SH3RF2: variants seen among roughly 807,000 people sequenced by gnomAD.
SH3RF2 encodes E3 ubiquitin-protein ligase SH3RF2.
Under a neutral mutation model 59.0 loss-of-function variants are expected in SH3RF2, and 43 were observed. The observed-to-expected ratio is 0.73, with a 90% confidence interval of 0.57 to 0.94. The LOEUF (loss-of-function observed/expected upper bound fraction) is 0.94, where lower values mean the gene tolerates loss of function less well. Among genes scored for constraint, SH3RF2 ranks in the 40% least tolerant of loss-of-function variants. The pLI, the probability that SH3RF2 is intolerant of heterozygous loss-of-function variation, is 0.00. For synonymous variants in SH3RF2, 391 were observed against 391.5 expected (o/e 1.00, Z 0.01); for missense variants, 930 against 940.1 (o/e 0.99, Z 0.14).
At chr5:145,992,887 C>T (rs144501698) in intron 2 of SH3RF2, among the ~76,000 whole-genome samples, 1 of 152,144 alleles carries the variant, frequency 6.6e-6, no homozygotes, top group Non-Finnish European at 1.5e-5. Flanking sequence ...CCAATCATGC[C>T]TTCACAACAG....
At chr5:145,950,388 T>C (rs1758149462) in intron 2 of SH3RF2, among the ~76,000 whole-genome samples, 2 of 152,216 alleles carry the variant, frequency 1.3e-5, no homozygotes, top group Admixed American at 6.5e-5. Context: ...ATTACCATTC[T>C]AATGTTGTTG....
chr5:145,968,594 C>T (rs1165379954), intron 2 of SH3RF2, among the ~76,000 whole-genome samples: 1 of 151,970 alleles, frequency 6.6e-6, no homozygotes, highest in Admixed American at 6.6e-5. Flanking sequence ...TGAGTAGCCA[C>T]ATTAAAAAAA....
chr5:145,976,761 G>A (rs886969288), intron 2 of SH3RF2, among the ~76,000 whole-genome samples: 20 of 152,198 alleles, frequency 1.3e-4, no homozygotes, highest in Non-Finnish European at 2.8e-4. Flanking sequence ...GCATGCCTAA[G>A]CCATCGATTA....
intron 7 of SH3RF2, among the ~76,000 whole-genome samples, chr5:146,053,687 T>G (rs1192727150): frequency 6.6e-6 from 1 of 152,148 alleles, no homozygotes; most frequent in Non-Finnish European, 1.5e-5. Flanking sequence ...CCTCTACTCT[T>G]CTTCCTGTCC....
intron 2 of SH3RF2, among the ~76,000 whole-genome samples, chr5:145,963,417 T>C (rs962638193): frequency 2.6e-5 from 4 of 152,112 alleles, no homozygotes; most frequent in Middle Eastern, 3.2e-3. Context: ...GCCTGGGCAA[T>C]ATAGTGAGAC....
At position 146,004,043 on chromosome 5, in the gene SH3RF2, G is replaced by A. The variant is rs369658237; in HGVS notation, c.649-15G>A. 4 of 1,608,730 alleles carry A rather than the reference G, an allele frequency of 2.5e-6. No homozygotes were observed. The highest frequency in any genetic ancestry group is 3.4e-6 in the Non-Finnish European group (4 of 1,176,298). On this transcript the variant is annotated splice_polypyrimidine_tract_variant and intron_variant, in intron 3 of 9. Coordinates refer to ENST00000359120, the MANE Select transcript of SH3RF2 (RefSeq NM_152550.4). The stretch of plus-strand genomic sequence containing the variant: ...AAATGAGAGTAAATGCTGACCATGA[G>A]ACTTTCTCTTTCAGGACGATATCAT...
At chr5:145,937,786 C>CGCCGT in intron 1 of SH3RF2, 37 bp from the exon 2 acceptor site, 1 of 943,568 alleles carries the variant, frequency 1.1e-6, no homozygotes, top group Admixed American at 2.3e-5. Context: ...TCGGAGCAGT[C>CGCCGT]ACATTTTTTT....
At chr5:146,061,039 T>TC (rs1391073411) in intron 9 of SH3RF2, among the ~76,000 whole-genome samples, 1 of 152,152 alleles carries the variant, frequency 6.6e-6, no homozygotes, top group African/African-American at 2.4e-5. Flanking sequence ...TCAGCATCAT[T>TC]CCACCATCAT....
intron 4 of SH3RF2, among the ~76,000 whole-genome samples, chr5:146,007,891 C>T (rs1760711682): frequency 6.6e-6 from 1 of 152,190 alleles, no homozygotes; most frequent in Non-Finnish European, 1.5e-5. Flanking sequence ...TAAATTTTGA[C>T]TCCAGTCATT....
At chr5:146,078,012 A>T (rs984956054) in intron 9 of SH3RF2, among the ~76,000 whole-genome samples, 1 of 152,224 alleles carries the variant, frequency 6.6e-6, no homozygotes, top group African/African-American at 2.4e-5. Context: ...ACATAAATAA[A>T]TAAATGTAGG....
chr5:146,081,703 C>T (rs1763427437), exon 10 of SH3RF2: 1 of 152,134 alleles, frequency 6.6e-6, no homozygotes, highest in Non-Finnish European at 1.5e-5. Context: ...GCATTCTTCC[C>T]AGCTGTAAGC....
rs959718641 is a variant in SH3RF2, at chr5:145,938,203, G to A, written c.275G>A (p.Gly92Asp). 1 of 1,613,498 alleles carries A rather than the reference G, an allele frequency of 6.2e-7. No individual in the cohort carries two copies. Among genetic ancestry groups the A allele is most frequent in the Non-Finnish European group, 8.5e-7 (1 of 1,179,992 alleles). ...SGRGGSFRRP[G>D]TMTLQDGRKS... ...AGAGGGGGCTCCTTCCGCAGGCCTG[G>A]CACGATGACCTTGCAGGATGGCAGG... Residue 92 changes from glycine (G) to aspartate (D), a missense_variant, in exon 2 of 10, where the codon GGC becomes GAC. Physicochemically the swap from Gly to Asp is moderately conservative, Grantham distance 94 (BLOSUM62 -1). Transcript: ENST00000359120.
At chr5:146,057,359 C>G (rs1441807177) in intron 8 of SH3RF2, among the ~76,000 whole-genome samples, 1 of 152,116 alleles carries the variant, frequency 6.6e-6, no homozygotes, top group East Asian at 1.9e-4. Flanking sequence ...TCCACCTCTC[C>G]CCACAACACA....
rs368720893 is a variant in SH3RF2, at chr5:146,056,187, G to A, written c.1529G>A (p.Arg510Gln). ...GPGTLGQGSL[R>Q]KGRSSMRKNG... Reference sequence around the variant, plus strand: ...GGGACTTTAGGACAAGGGTCTCTTCGGAAAGGGCGGAGCAGCATGAGAAAG... The same window carrying A: ...GGGACTTTAGGACAAGGGTCTCTTCAGAAAGGGCGGAGCAGCATGAGAAAG... Residue 510 changes from arginine to glutamine, a missense_variant, in exon 8 of 10, where the codon CGG (arginine) becomes CAG (glutamine). Physicochemically the swap from Arg to Gln is conservative, Grantham distance 43 (BLOSUM62 1). Transcript: ENST00000359120. 8.7e-5 allele frequency: 140 copies of A among 1,614,094 alleles called. 1 individual carries two copies. Among genetic ancestry groups the A allele is most frequent in the Middle Eastern group, 1.6e-4 (1 of 6,084 alleles).
intron 4 of SH3RF2, among the ~76,000 whole-genome samples, chr5:146,006,572 G>A (rs1306328439): frequency 1.3e-5 from 2 of 152,170 alleles, no homozygotes; most frequent in Non-Finnish European, 2.9e-5. Context: ...CAAAAGTCCT[G>A]CATGATGAGG....
intron 2 of SH3RF2, among the ~76,000 whole-genome samples, chr5:145,971,982 C>T (rs138490520): frequency 6.6e-6 from 1 of 152,250 alleles, no homozygotes; most frequent in African/African-American, 2.4e-5. Flanking sequence ...CCCACAACAA[C>T]TGTATGAGAT....
intron 5 of SH3RF2, among the ~76,000 whole-genome samples, chr5:146,021,818 C>A (rs1470225585): frequency 1.3e-5 from 2 of 152,156 alleles, no homozygotes; most frequent in Non-Finnish European, 2.9e-5. Flanking sequence ...GGTACCTCTT[C>A]CCCAGCCCAT....
At chr5:146,007,799 A>G (rs976794872) in intron 4 of SH3RF2, among the ~76,000 whole-genome samples, 1 of 152,214 alleles carries the variant, frequency 6.6e-6, no homozygotes, top group Non-Finnish European at 1.5e-5. Context: ...GGGGAAAAAG[A>G]TAATTAAGTG....
chr5:145,979,505 A>G (rs1759430781), intron 2 of SH3RF2, among the ~76,000 whole-genome samples: 2 of 152,342 alleles, frequency 1.3e-5, no homozygotes, highest in South Asian at 2.1e-4. Flanking sequence ...TACTGCTCTA[A>G]GTAGTGGTGT....
Sources: gnomAD v4.1 joint callset for allele counts (sites outside exome capture counted in the v4.1 genomes callset) on GRCh38, gnomAD v4.1.1 for gene constraint, MANE v1.5 for transcripts, NCBI Gene and HGNC (gene_info 2026-07-23, HGNC 2026-07-21) for gene names.